Variants in LRP1B observed in about 807,000 individuals in gnomAD.
LRP1B encodes the protein low-density lipoprotein receptor-related protein 1B.
In LRP1B, 217 loss-of-function variants were observed where a neutral mutation model predicts 556.6. The observed-to-expected ratio is 0.39, with a 90% CI of 0.35 to 0.44. LRP1B has a LOEUF of 0.44. Among genes scored for constraint, LRP1B ranks in the 20% least tolerant of loss-of-function variants. LRP1B has a pLI of 1.00. For missense variants in LRP1B, 5,053 were observed against 5,620.8 expected (o/e 0.90, Z 3.23); for synonymous variants, 2,047 against 1,865.8 (o/e 1.10, Z -2.50).
intron 3 of LRP1B, among the ~76,000 whole-genome samples, chr2:141,279,655 A>T (rs1553486899): frequency 6.6e-6 from 1 of 152,068 alleles, no homozygotes; most frequent in Admixed American, 6.5e-5. Context: ...GTCATATTTC[A>T]TTTCTTCTTT....
intron 41 of LRP1B, among the ~76,000 whole-genome samples, chr2:140,603,961 T>C (rs1682772280): frequency 6.6e-6 from 1 of 152,126 alleles, no homozygotes; most frequent in Non-Finnish European, 1.5e-5. Flanking sequence ...TGTATATGTG[T>C]GTGTGTGCAC....
intron 2 of LRP1B, among the ~76,000 whole-genome samples, chr2:141,481,283 T>C (rs546626046): frequency 2.5e-4 from 38 of 152,268 alleles, no homozygotes; most frequent in African/African-American, 8.4e-4. Context: ...AGCATCCAAA[T>C]TGCATGTTAT....
chr2:141,977,788 T>C (rs1418865566), intron 1 of LRP1B, among the ~76,000 whole-genome samples: 1 of 152,132 alleles, frequency 6.6e-6, no homozygotes, highest in African/African-American at 2.4e-5. Flanking sequence ...GATAGAATAC[T>C]GTACAGTGTG....
intron 7 of LRP1B, among the ~76,000 whole-genome samples, chr2:141,164,582 G>A (rs757423709): frequency 9.9e-5 from 15 of 151,818 alleles, no homozygotes; most frequent in Non-Finnish European, 1.9e-4. Context: ...CAACTAGCAG[G>A]GTATCAAATT....
chr2:140,456,506 G>T lies in LRP1B; in HGVS notation c.9912C>A (p.Phe3304Leu). 1 of 1,613,442 alleles carries T rather than the reference G, an allele frequency of 6.2e-7. No homozygotes were observed. Among genetic ancestry groups the T allele is most frequent in the Middle Eastern group, 1.7e-4 (1 of 6,060 alleles). ...KTHTCACPTNFYLAADNRTCL... is the reference protein window; with the variant it reads ...KTHTCACPTNLYLAADNRTCL... The stretch of plus-strand genomic sequence containing the variant: ...AAGTCCTATTATCAGCTGCCAGATA[G>T]AAGTTAGTGGGACATGCACAAGTGT... Residue 3304 changes from phenylalanine to leucine, a missense_variant, in exon 62 of 91, where the codon TTC (phenylalanine) becomes TTA (leucine). Coordinates refer to ENST00000389484, the MANE Select transcript of LRP1B (RefSeq NM_018557.3).
intron 3 of LRP1B, among the ~76,000 whole-genome samples, chr2:141,324,157 A>T (rs967947732): frequency 6.6e-6 from 1 of 151,696 alleles, no homozygotes; most frequent in African/African-American, 2.4e-5. Context: ...AGGAAACCAC[A>T]CACACACAGA....
At chr2:140,619,540 T>C (rs1004538547) in intron 41 of LRP1B, among the ~76,000 whole-genome samples, 1 of 152,180 alleles carries the variant, frequency 6.6e-6, no homozygotes, top group Non-Finnish European at 1.5e-5. Context: ...TAATTTTTAA[T>C]CCAATCAGTG....
At chr2:142,121,152 T>G (rs1047980911) in intron 1 of LRP1B, among the ~76,000 whole-genome samples, 41 of 152,310 alleles carry the variant, frequency 2.7e-4, no homozygotes, top group African/African-American at 9.1e-4. Context: ...AAATCTCTGT[T>G]GTAGCTTGTC....
At chr2:140,652,700 A>G (rs2105323825) in intron 41 of LRP1B, among the ~76,000 whole-genome samples, 1 of 152,192 alleles carries the variant, frequency 6.6e-6, no homozygotes, top group Middle Eastern at 3.4e-3. Context: ...AAGAAAGTTA[A>G]CAATATTGTC....
At chr2:140,869,929 T>G (rs888064965) in intron 25 of LRP1B, among the ~76,000 whole-genome samples, 2 of 152,102 alleles carry the variant, frequency 1.3e-5, no homozygotes, top group African/African-American at 4.8e-5. Flanking sequence ...CTTTTTTGAA[T>G]TAAAGGAAAT....
rs903751331 is a variant in LRP1B at position 140,456,428 on chromosome 2, T to C, written c.9963+27A>G. 8 of 1,607,346 alleles carry C rather than the reference T, an allele frequency of 5.0e-6. No homozygotes were observed. The Admixed American group carries it at 1.4e-4, about 27-fold the overall frequency. On this transcript the variant is annotated intron_variant, in intron 62 of 90. Transcript: ENST00000389484. Reference sequence around the variant, plus strand: ...AGCTGATGTTTCACCATACACTCTATAATAAGATTCCCAGACCTCCACTCA... The same window carrying C: ...AGCTGATGTTTCACCATACACTCTACAATAAGATTCCCAGACCTCCACTCA...
At chr2:141,532,461 T>G (rs1335154343) in intron 2 of LRP1B, among the ~76,000 whole-genome samples, 1 of 151,982 alleles carries the variant, frequency 6.6e-6, no homozygotes, top group Non-Finnish European at 1.5e-5. Flanking sequence ...TATCTCTGAG[T>G]TAGAAGTTAG....
chr2:141,894,815 T>A (rs548537668), intron 1 of LRP1B, among the ~76,000 whole-genome samples: 8 of 151,896 alleles, frequency 5.3e-5, no homozygotes, highest in Non-Finnish European at 7.4e-5. Flanking sequence ...CTTGGGAGGC[T>A]GAGGCAGACA....
chr2:140,643,375 G>A (rs1161764235), intron 41 of LRP1B, among the ~76,000 whole-genome samples: 1 of 151,830 alleles, frequency 6.6e-6, no homozygotes, highest in Non-Finnish European at 1.5e-5. Flanking sequence ...ATTGATCACT[G>A]CCTCTTCAGA....
chr2:140,367,743 C>A (rs1682826148), intron 71 of LRP1B, among the ~76,000 whole-genome samples: 1 of 151,714 alleles, frequency 6.6e-6, no homozygotes, highest in Non-Finnish European at 1.5e-5. Context: ...GAATATGAAG[C>A]AGAGTTTCAG....
intron 1 of LRP1B, among the ~76,000 whole-genome samples, chr2:142,094,708 C>T (rs952107347): frequency 6.6e-6 from 1 of 151,796 alleles, no homozygotes; most frequent in African/African-American, 2.4e-5. Flanking sequence ...AAATAATTCA[C>T]TTCTCTAGGT....
chr2:141,917,069 C>A (rs1700057885), intron 1 of LRP1B, among the ~76,000 whole-genome samples: 1 of 151,994 alleles, frequency 6.6e-6, no homozygotes, highest in Non-Finnish European at 1.5e-5. Flanking sequence ...TCACAGATAG[C>A]AATTTGTATA....
Position 141,544,367 on chromosome 2 carries a change from C to CTT in LRP1B, c.206-63836_206-63835dup, listed in dbSNP as rs879554343. ...TCTTCTTCTTCTTCTTCTTCTTCTT[C>CTT]TTCTTCTTCTTCTTCTCCTCCTCCT... On this transcript the variant is annotated intron_variant, in intron 2 of 90. Coordinates refer to ENST00000389484, the MANE Select transcript of LRP1B (RefSeq NM_018557.3). 7.6e-4 allele frequency among the ~76,000 whole-genome samples: 82 copies of CTT among 108,442 alleles called. 1 individual carries two copies. The highest frequency in any genetic ancestry group is 1.9e-3 in the South Asian group (5 of 2,682). The allele number at this position is 108,442 out of a possible 152,430, so 71.1% of individuals were successfully genotyped here.
chr2:141,361,592 T>C (rs904180743), intron 3 of LRP1B, among the ~76,000 whole-genome samples: 1 of 152,174 alleles, frequency 6.6e-6, no homozygotes, highest in Admixed American at 6.5e-5. Flanking sequence ...GTATTGGAAA[T>C]CATACTTTTT....
Sources: gnomAD v4.1 joint callset for allele counts (sites outside exome capture counted in the v4.1 genomes callset) on GRCh38, gnomAD v4.1.1 for gene constraint, MANE v1.5 for transcripts, NCBI Gene and HGNC (gene_info 2026-07-23, HGNC 2026-07-21) for gene names.